CSF2RA: variants seen among roughly 807,000 people sequenced by gnomAD.
CSF2RA encodes the protein colony stimulating factor 2 receptor subunit alpha, also known as granulocyte-macrophage colony-stimulating factor receptor subunit alpha.
CSF2RA carries 42 observed loss-of-function variants against 51.6 expected under a neutral mutation model. The ratio of observed to expected loss-of-function variants is 0.81; its 90% CI spans 0.64 to 1.05. The LOEUF is 1.05. Ranked by LOEUF, CSF2RA falls within the 50% of genes least tolerant of loss-of-function variation. The probability of loss-of-function intolerance (pLI) is 0.00; values close to 1 mark genes in which losing one functional copy is unlikely to be tolerated. For missense variants in CSF2RA, 530 were observed against 501.1 expected, an observed-to-expected ratio of 1.06 and a Z score of -0.55; for synonymous variants, 222 against 193.0, an observed-to-expected ratio of 1.15 and a Z score of -1.24.
intron 6 of CSF2RA, 144 bp from the exon 7 acceptor site, chrX:1,290,193 G>GTT: frequency 1.7e-6 from 1 of 601,508 alleles, no homozygotes; most frequent in Non-Finnish European, 2.8e-6. Flanking sequence ...GTTTTTGTGG[G>GTT]TTTTTTTTGT....
At chrX:1,299,937 G>A (rs28798447) in intron 9 of CSF2RA, among the ~76,000 whole-genome samples, 35,229 of 151,326 alleles carry the variant, frequency 0.23, 4,568 homozygotes, top group Non-Finnish European at 0.28. Context: ...AATAAAAGAG[G>A]CCGGGCGTGG....
intron 7 of CSF2RA, among the ~76,000 whole-genome samples, chrX:1,290,956 CTG>C (rs1284713410): frequency 1.3e-5 from 2 of 152,122 alleles, no homozygotes; most frequent in Admixed American, 6.5e-5. Context: ...GAGTCTCGCT[CTG>C]TCACCCAGGC....
At chrX:1,285,208 G>T (rs1466878849) in intron 3 of CSF2RA, among the ~76,000 whole-genome samples, 2 of 152,060 alleles carry the variant, frequency 1.3e-5, no homozygotes, top group African/African-American at 4.8e-5. Context: ...GTCTTCAGAT[G>T]ATTTTTGAAT....
At chrX:1,311,236 T>C (rs1467301940), downstream of CSF2RA, among the ~76,000 whole-genome samples, 5 of 147,384 alleles carry the variant, frequency 3.4e-5, no homozygotes, top group African/African-American at 1.3e-4. Flanking sequence ...GCAACAGAGT[T>C]AGATTCTGTC....
the CSF2RA span, among the ~76,000 whole-genome samples, chrX:1,324,940 G>A: frequency 1.3e-5 from 2 of 152,168 alleles, no homozygotes; most frequent in East Asian, 3.9e-4. Context: ...CAGGACGGTT[G>A]GGTTTCTCCG....
chrX:1,285,030 T>C (rs1453922519), intron 3 of CSF2RA, among the ~76,000 whole-genome samples: 1 of 151,788 alleles, frequency 6.6e-6, no homozygotes, highest in Non-Finnish European at 1.5e-5. Flanking sequence ...GGACCACAGA[T>C]GTGCACCATC....
chrX:1,296,266 C>G (rs2091943197), intron 9 of CSF2RA, among the ~76,000 whole-genome samples: 2 of 150,998 alleles, frequency 1.3e-5, no homozygotes, highest in African/African-American at 2.4e-5. Flanking sequence ...TGTAACCCTA[C>G]AGTCTCCTAC....
intron 9 of CSF2RA, among the ~76,000 whole-genome samples, chrX:1,298,648 T>A (rs111968824): frequency 2.2e-4 from 1 of 4,626 alleles, no homozygotes; most frequent in East Asian, 6.8e-3. Context: ...TGACCCCTGG[T>A]GGAACCCTAC....
At chrX:1,306,920 G>C (rs1362023326) in intron 12 of CSF2RA, among the ~76,000 whole-genome samples, 1 of 151,520 alleles carries the variant, frequency 6.6e-6, no homozygotes, top group Non-Finnish European at 1.5e-5. Context: ...GGAAGAGAGA[G>C]ACAGATGGAG....
At chrX:1,322,208 T>C in the CSF2RA span, among the ~76,000 whole-genome samples, 582 of 151,632 alleles carry the variant, frequency 3.8e-3, 4 homozygotes, top group Non-Finnish European at 6.8e-3. Flanking sequence ...CAGGTTCAAG[T>C]GATTCTCCTG....
At chrX:1,317,205 C>T in the CSF2RA span, among the ~76,000 whole-genome samples, 1 of 146,310 alleles carries the variant, frequency 6.8e-6, no homozygotes, top group African/African-American at 2.6e-5. Flanking sequence ...GCCTCGGCCT[C>T]CCAAAGTGCT....
intron 1 of CSF2RA, among the ~76,000 whole-genome samples, chrX:1,271,213 A>ATG (rs2088355442): frequency 1.3e-4 from 12 of 95,582 alleles, no homozygotes; most frequent in South Asian, 3.1e-4. Flanking sequence ...GCTGGAGGGC[A>ATG]GTGGCGCGAT....
intron 2 of CSF2RA, among the ~76,000 whole-genome samples, chrX:1,276,867 G>A (rs1265310870): frequency 5.9e-5 from 9 of 151,986 alleles, no homozygotes; most frequent in African/African-American, 2.2e-4. Flanking sequence ...TTGGGAGGCC[G>A]AGGCAGGTGG....
At chrX:1,275,596 T>C (rs2089072821) in intron 2 of CSF2RA, among the ~76,000 whole-genome samples, 2 of 151,856 alleles carry the variant, frequency 1.3e-5, no homozygotes, top group Non-Finnish European at 2.9e-5. Context: ...CCTTGCTCAG[T>C]CTGTTAGGCT....
At chrX:1,286,397 C>T (rs1188652457) in intron 4 of CSF2RA, among the ~76,000 whole-genome samples, 2 of 152,048 alleles carry the variant, frequency 1.3e-5, no homozygotes, top group Middle Eastern at 3.4e-3. Flanking sequence ...GGTGAAACCC[C>T]ATCTCTACTA....
chrX:1,314,888 CA>C (rs2084474360), downstream of CSF2RA, among the ~76,000 whole-genome samples: 4 of 84,100 alleles, frequency 4.8e-5, 1 homozygote, highest in African/African-American at 1.8e-4. Flanking sequence ...CCTGCCCAAC[CA>C]CACTGAACCT....
downstream of CSF2RA, among the ~76,000 whole-genome samples, chrX:1,313,660 C>G (rs1193884327): frequency 6.6e-6 from 1 of 151,416 alleles, no homozygotes; most frequent in African/African-American, 2.4e-5. Flanking sequence ...TGCAGTGAGC[C>G]AAGATCACGC....
intron 11 of CSF2RA, 142 bp from the exon 12 acceptor site, chrX:1,305,304 C>T (rs2083446685): frequency 1.2e-5 from 11 of 933,372 alleles, no homozygotes; most frequent in East Asian, 5.1e-5. Flanking sequence ...TTAAGATTTT[C>T]GTCACTTGGT....
downstream of CSF2RA, among the ~76,000 whole-genome samples, chrX:1,314,982 T>TGTGCCTGCCTAAC (rs1569515181): frequency 1.3e-4 from 5 of 37,626 alleles, no homozygotes; most frequent in South Asian, 4.5e-3. Context: ...GCCTGCCCAA[T>TGTGCCTGCCTAAC]CGCACTGCAC....
Sources: allele counts gnomAD v4.1 joint callset (sites outside exome capture counted in the v4.1 genomes callset), GRCh38; gene constraint gnomAD v4.1.1; transcripts MANE v1.5; gene names NCBI Gene and HGNC (gene_info 2026-07-23, HGNC 2026-07-21).